Variants in SNX30 observed in about 807,000 individuals in gnomAD.
SNX30 encodes sorting nexin-30.
SNX30 carries 24 observed loss-of-function variants against 46.4 expected under a neutral mutation model. The ratio of observed to expected loss-of-function variants is 0.52; its 90% CI spans 0.37 to 0.73. The LOEUF is 0.73. SNX30 is among the 30% of genes least tolerant of loss of function. SNX30 has a pLI of 0.00. For synonymous variants in SNX30, 189 were observed against 211.5 expected (o/e 0.89, Z 0.92); for missense variants, 533 against 555.7 (o/e 0.96, Z 0.41).
At chr9:112,804,995 T>C (rs1225996717) in intron 2 of SNX30, 28 bp downstream of exon 2, 1 of 1,534,144 alleles carries the variant, frequency 6.5e-7, no homozygotes, top group Admixed American at 1.9e-5. Flanking sequence ...AGAATGCCCG[T>C]GTTGAGTGGT....
chr9:112,762,085 G>A lies in SNX30; in HGVS notation c.156+10928G>A, dbSNP rs148151208. On this transcript the variant is annotated intron_variant, in intron 1 of 8. Transcript: ENST00000374232. Reference sequence around the variant, plus strand: ...ATAAACAACAGCCTGGCCAACAGGCGCTGATGCATGTATGAGCAATGGGGT... The same window carrying A: ...ATAAACAACAGCCTGGCCAACAGGCACTGATGCATGTATGAGCAATGGGGT... Among the ~76,000 whole-genome samples, 774 of 152,258 alleles carry A rather than the reference G, an allele frequency of 5.1e-3. 7 individuals carry two copies. Among genetic ancestry groups the A allele is most frequent in the Admixed American group, 9.0e-3 (138 of 15,296 alleles).
intron 1 of SNX30, among the ~76,000 whole-genome samples, chr9:112,789,856 C>T (rs1839992491): frequency 6.6e-6 from 1 of 152,138 alleles, no homozygotes; most frequent in South Asian, 2.1e-4. Context: ...TAATAGAAAA[C>T]CTATGAAAAA....
chr9:112,843,305 A>G (rs184879406), intron 6 of SNX30, among the ~76,000 whole-genome samples: 129 of 152,302 alleles, frequency 8.5e-4, no homozygotes, highest in Non-Finnish European at 1.5e-3. Flanking sequence ...AGGTTTATCT[A>G]TGTCAATACG....
chr9:112,869,214 C>T lies in SNX30; in HGVS notation c.*371C>T, dbSNP rs1841407266. The T allele has an allele frequency of 1.4e-5, 3 of 214,220 alleles. No individual in the cohort carries two copies. The highest frequency in any genetic ancestry group is 1.9e-5 in the Non-Finnish European group (2 of 103,758). The allele number at this position is 214,220 out of a possible 1,614,324, so 13.3% of individuals were successfully genotyped here. ...GAGTTGCCAGTTGTGGGAGAGAACC[C>T]GGGGCCTGCTTTTCAAGGATGAGGA... is the stretch of plus-strand genomic sequence containing the variant. On this transcript the variant is annotated 3_prime_UTR_variant, in exon 9 of 9. Coordinates refer to ENST00000374232, the MANE Select transcript of SNX30 (RefSeq NM_001012994.2).
chr9:112,810,231 G>A (rs976992012), intron 2 of SNX30, among the ~76,000 whole-genome samples: 2 of 152,138 alleles, frequency 1.3e-5, no homozygotes, highest in African/African-American at 4.8e-5. Flanking sequence ...GTGTGGGAGT[G>A]AGCTGACGTA....
intron 1 of SNX30, among the ~76,000 whole-genome samples, chr9:112,768,321 G>A (rs972294341): frequency 6.6e-6 from 1 of 152,160 alleles, no homozygotes; most frequent in Non-Finnish European, 1.5e-5. Flanking sequence ...TTAGAACCTC[G>A]CTACTTAATG....
At chr9:112,778,394 T>C (rs559302288) in intron 1 of SNX30, among the ~76,000 whole-genome samples, 1 of 150,222 alleles carries the variant, frequency 6.7e-6, no homozygotes, top group African/African-American at 2.4e-5. Context: ...TGCCTCAGCC[T>C]CTCGAGTAGC....
intron 1 of SNX30, among the ~76,000 whole-genome samples, chr9:112,797,563 A>C (rs1411332184): frequency 6.6e-6 from 1 of 152,138 alleles, no homozygotes; most frequent in African/African-American, 2.4e-5. Context: ...TATCATACCC[A>C]GTGATTCCTT....
intron 8 of SNX30, among the ~76,000 whole-genome samples, chr9:112,868,398 C>T (rs1240220787): frequency 6.6e-6 from 1 of 152,218 alleles, no homozygotes; most frequent in Non-Finnish European, 1.5e-5. Flanking sequence ...GCGCCACCCA[C>T]ACCTGGAGCA....
intron 1 of SNX30, among the ~76,000 whole-genome samples, chr9:112,794,910 A>T (rs1368506872): frequency 2.0e-5 from 3 of 152,256 alleles, no homozygotes; most frequent in Non-Finnish European, 2.9e-5. Context: ...AAATGCTCTT[A>T]TAATGGAAAC....
intron 3 of SNX30, among the ~76,000 whole-genome samples, chr9:112,829,016 T>A (rs768925773): frequency 6.6e-6 from 1 of 152,228 alleles, no homozygotes; most frequent in Non-Finnish European, 1.5e-5. Flanking sequence ...ATATATGGAC[T>A]TTTGTATCTG....
intron 1 of SNX30, among the ~76,000 whole-genome samples, chr9:112,793,797 G>GTTTTTTTTTTTTT (rs200559435): frequency 2.9e-5 from 4 of 137,112 alleles, no homozygotes; most frequent in Admixed American, 7.5e-5. Context: ...TACCTCCACT[G>GTTTTTTTTTTTTT]TTTTTTGTTT....
intron 4 of SNX30, among the ~76,000 whole-genome samples, chr9:112,834,877 CACACA>C (rs1564285836): frequency 0.016 from 1,327 of 82,814 alleles, 9 homozygotes; most frequent in South Asian, 0.038. Flanking sequence ...CACACACACA[CACACA>C]CCTACCTCAA....
intron 7 of SNX30, 128 bp downstream of exon 7, chr9:112,851,073 C>A: frequency 1.8e-6 from 1 of 569,248 alleles, no homozygotes; most frequent in Non-Finnish European, 3.2e-6. Context: ...ATGATGTTGT[C>A]CTTTTTCACT....
In SNX30 at chr9:112,830,829, G is replaced by A. The variant is rs750508225; in HGVS notation, c.564G>A (p.Thr188=). The part of the protein sequence containing the change: ...KALDKFLKRI[T]DHPVLSFNEH... The stretch of plus-strand genomic sequence containing the variant: ...TGGATAAATTTCTAAAAAGAATTAC[G>A]GACCATCCTGTGCTGTCTTTCAATG... The change falls in exon 4 of 9, where the codon ACG becomes ACA. Residue 188 remains threonine, a synonymous_variant. Transcript: ENST00000374232. The A allele has an allele frequency of 4.3e-6, 7 of 1,613,862 alleles. No individual in the cohort carries two copies. Among genetic ancestry groups the A allele is most frequent in the African/African-American group, 4.0e-5 (3 of 74,980 alleles).
At chr9:112,848,560 C>T (rs1180503886) in intron 6 of SNX30, among the ~76,000 whole-genome samples, 1 of 152,192 alleles carries the variant, frequency 6.6e-6, no homozygotes, top group East Asian at 1.9e-4. Flanking sequence ...CGCCACCGTC[C>T]CTTAGTCTCC....
chr9:112,798,111 T>G (rs1167737877), intron 1 of SNX30, among the ~76,000 whole-genome samples: 4 of 108,440 alleles, frequency 3.7e-5, no homozygotes, highest in Admixed American at 2.4e-4. Flanking sequence ...AGGTTTGTTT[T>G]TTTTTTTTTC....
chr9:112,832,055 T>G (rs1840667029), intron 4 of SNX30, among the ~76,000 whole-genome samples: 1 of 152,052 alleles, frequency 6.6e-6, no homozygotes, highest in Admixed American at 6.6e-5. Flanking sequence ...CTTCGGAGAG[T>G]GTGCCGTTCT....
At chr9:112,818,543 T>G (rs1033436792) in intron 3 of SNX30, among the ~76,000 whole-genome samples, 9 of 152,198 alleles carry the variant, frequency 5.9e-5, no homozygotes, top group Admixed American at 5.9e-4. Context: ...ACATTTATAT[T>G]GAGTACTTTT....
Sources: gnomAD v4.1 joint callset for allele counts (sites outside exome capture counted in the v4.1 genomes callset) on GRCh38, gnomAD v4.1.1 for gene constraint, MANE v1.5 for transcripts, NCBI Gene and HGNC (gene_info 2026-07-23, HGNC 2026-07-21) for gene names.